KAT8: variants seen among roughly 807,000 people sequenced by gnomAD.
KAT8 encodes lysine acetyltransferase 8.
KAT8 carries 40 observed loss-of-function variants against 62.9 expected under a neutral mutation model. The ratio of observed to expected loss-of-function variants is 0.64; its 90% confidence interval spans 0.49 to 0.83. The LOEUF (loss-of-function observed/expected upper bound fraction) is 0.83, where lower values mean the gene tolerates loss of function less well. Ranked by LOEUF, KAT8 falls within the 40% of genes least tolerant of loss-of-function variation. The pLI, the probability that KAT8 is intolerant of heterozygous loss-of-function variation, is 0.00. For synonymous variants in KAT8, 278 were observed against 254.5 expected (o/e 1.09, Z -0.88); for missense variants, 387 against 614.8 (o/e 0.63, Z 3.92).
chr16:31,127,247 G>A lies in KAT8; in HGVS notation c.575G>A (p.Trp192Ter). Reference sequence around the variant, plus strand: ...ATCGGGAACTACGAAATTGATGCCTGGTATTTCTCACCATTCCCCGAAGAC... The same window carrying A: ...ATCGGGAACTACGAAATTGATGCCTAGTATTTCTCACCATTCCCCGAAGAC... ...IHIGNYEIDA[W>*]YFSPFPEDYG... The change falls in exon 5 of 11, where the codon TGG becomes TAG. Residue 192 changes from tryptophan to a stop codon, truncating the protein, a stop_gained. Transcript: ENST00000219797. LOFTEE classifies it high-confidence loss of function. 1 of 1,614,210 alleles carries A rather than the reference G, an allele frequency of 6.2e-7. No homozygotes were observed. Among genetic ancestry groups the A allele is most frequent in the East Asian group, 2.2e-5 (1 of 44,886 alleles).
At chr16:31,123,305 C>T (rs1363440066) in intron 3 of KAT8, among the ~76,000 whole-genome samples, 1 of 152,174 alleles carries the variant, frequency 6.6e-6, no homozygotes, top group African/African-American at 2.4e-5. Context: ...CAACCTCCGC[C>T]TCCCAGATTC....
At position 31,130,743 on chromosome 16, in the gene KAT8, C is replaced by T; in HGVS notation, c.1158-3C>T. 1.2e-6 allele frequency: 2 copies of T among 1,613,668 alleles called. No individual in the cohort carries two copies. The highest frequency in any genetic ancestry group is 8.5e-7 in the Non-Finnish European group (1 of 1,179,786). On this transcript the variant is annotated splice_region_variant and splice_polypyrimidine_tract_variant and intron_variant, in intron 9 of 10. Coordinates refer to ENST00000219797, the MANE Select transcript of KAT8 (RefSeq NM_032188.3). ...TGGCATTTGCTCTCATCCCTTTTTG[C>T]AGCCAGATGACCAGTATCACCCAAA...
rs1295859511 is a variant in KAT8, at chr16:31,120,303, C to T, written c.287-36C>T. Reference sequence around the variant, plus strand: ...TCTGGGCGTGGGTGCAGGGAGTTGGCTGCCCTGGCAGCACTCTTATGGCCC... The same window carrying T: ...TCTGGGCGTGGGTGCAGGGAGTTGGTTGCCCTGGCAGCACTCTTATGGCCC... On this transcript the variant is annotated intron_variant, in intron 2 of 10. Transcript: ENST00000219797. The T allele has an allele frequency of 2.5e-6, 4 of 1,614,068 alleles. No individual in the cohort carries two copies. The Admixed American group carries it at 5.0e-5, about 20-fold the overall frequency.
chr16:31,117,773 C>G lies in KAT8; in HGVS notation c.92C>G (p.Ala31Gly). 7.2e-7 allele frequency: 1 copy of G among 1,385,698 alleles called. No homozygotes were observed. The highest frequency in any genetic ancestry group is 9.4e-7 in the Non-Finnish European group (1 of 1,060,034). 85.8% of individuals were successfully genotyped at this position (1,385,698 alleles called of 1,614,324 possible). ...GEPGPGENAA[A>G]EGTAPSPGRV... ...CCCGGGCCCGGGGAGAATGCGGCCG[C>G]TGAGGGGACCGCCCCATCCCCGGGC... is the stretch of plus-strand genomic sequence containing the variant. The change falls in exon 1 of 11, where the codon GCT becomes GGT. Residue 31 changes from alanine to glycine, a missense_variant. Physicochemically the swap from Ala to Gly is moderately conservative, Grantham distance 60 (BLOSUM62 0). Around this residue, in one of 6 missense-constraint regions of KAT8, gnomAD observed 92 missense variants for 78.8 expected, o/e 1.17. Coordinates refer to ENST00000219797, the MANE Select transcript of KAT8 (RefSeq NM_032188.3).
Position 31,127,931 on chromosome 16 carries a change from G to T in KAT8, c.682-119G>T. The T allele has an allele frequency of 2.8e-6, 2 of 719,412 alleles. 1 individual carries two copies. The highest frequency in any genetic ancestry group is 3.1e-5 in the South Asian group (2 of 64,858). The allele number at this position is 719,412 out of a possible 1,614,324, so 44.6% of individuals were successfully genotyped here. On this transcript the variant is annotated intron_variant, in intron 5 of 10. Transcript: ENST00000219797. ...GCTGGGAGGATTACTCGATGTAGGTGAAGTGTTGAGGGGGGAAACAGAGAG... is the reference window on the plus strand; with the variant it reads ...GCTGGGAGGATTACTCGATGTAGGTTAAGTGTTGAGGGGGGAAACAGAGAG...
At chr16:31,117,984 T>G in intron 1 of KAT8, 92 bp downstream of exon 1, 5 of 948,886 alleles carry the variant, frequency 5.3e-6, no homozygotes, top group East Asian at 3.3e-5. Context: ...GAGGCCAAGA[T>G]CCGGGGGCTG....
chr16:31,119,839 CT>C lies in KAT8; in HGVS notation c.212-335del, dbSNP rs1342522851. Among the ~76,000 whole-genome samples the C allele has an allele frequency of 4.5e-3, 655 of 144,360 alleles. 2 individuals are homozygous for C. Among genetic ancestry groups the C allele is most frequent in the Non-Finnish European group, 6.9e-3 (449 of 65,454 alleles). 94.7% of individuals were successfully genotyped at this position (144,360 alleles called of 152,430 possible). The stretch of plus-strand genomic sequence containing the variant: ...TACAGGTGTGTGCCACCATGCCTGG[CT>C]TTTTTTTTTTTCGTCTTTTTGGTAC... On this transcript the variant is annotated intron_variant, in intron 1 of 10. Transcript: ENST00000219797.
At chr16:31,129,419 C>T (rs2057555766) in intron 6 of KAT8, among the ~76,000 whole-genome samples, 1 of 152,186 alleles carries the variant, frequency 6.6e-6, no homozygotes, top group East Asian at 1.9e-4. Context: ...CTTCAGCTTC[C>T]TCCTGAGTAA....
At chr16:31,126,989 G>A (rs1469011873) in intron 3 of KAT8, 46 bp from the exon 4 acceptor site, 1 of 1,609,286 alleles carries the variant, frequency 6.2e-7, no homozygotes, top group African/African-American at 1.3e-5. Flanking sequence ...GGACAGCCTG[G>A]TCACCACTTC....
At chr16:31,125,144 A>C (rs1385970078) in intron 3 of KAT8, among the ~76,000 whole-genome samples, 1 of 151,536 alleles carries the variant, frequency 6.6e-6, no homozygotes, top group Non-Finnish European at 1.5e-5. Context: ...GTGAGCTGAG[A>C]TCTCCCCACT....
At position 31,131,300 on chromosome 16, in the gene KAT8, C is replaced by T. The variant is rs1364570887; in HGVS notation, c.*41C>T. The T allele has an allele frequency of 1.2e-6, 2 of 1,610,282 alleles. No homozygotes were observed. Among genetic ancestry groups the T allele is most frequent in the Admixed American group, 1.7e-5 (1 of 59,904 alleles). ...CTGTCGGACCTGAGCCTCCTGGCTC[C>T]CAGCCTGTAAATATGTATAGACCTG... On this transcript the variant is annotated 3_prime_UTR_variant, in exon 11 of 11. Transcript: ENST00000219797.
At chr16:31,119,546 G>A (rs1201962165) in intron 1 of KAT8, among the ~76,000 whole-genome samples, 1 of 152,182 alleles carries the variant, frequency 6.6e-6, no homozygotes, top group African/African-American at 2.4e-5. Flanking sequence ...AATGAGCATT[G>A]AATTTAGAGT....
At chr16:31,118,848 C>G (rs2057471395) in intron 1 of KAT8, 1 of 151,428 alleles carries the variant, frequency 6.6e-6, no homozygotes, top group Non-Finnish European at 1.5e-5. Context: ...CATTAATTCA[C>G]CTTCTAAGGT....
chr16:31,130,924 CG>C (rs1567437906), intron 10 of KAT8, 24 bp downstream of exon 10: 2 of 905,356 alleles, frequency 2.2e-6, no homozygotes, highest in Non-Finnish European at 3.0e-6. Flanking sequence ...TGCTGTGTGT[CG>C]GGGGCGGTGG....
Position 31,131,273 on chromosome 16 carries a change from T to C in KAT8, c.*14T>C. The C allele has an allele frequency of 4.3e-6, 7 of 1,614,110 alleles. No homozygotes were observed. The highest frequency in any genetic ancestry group is 5.9e-6 in the Non-Finnish European group (7 of 1,179,990). ...TCCAAGAAGTGAGCAGCCTGGCCCC[T>C]GCTGTCGGACCTGAGCCTCCTGGCT... On this transcript the variant is annotated 3_prime_UTR_variant, in exon 11 of 11. Transcript: ENST00000219797.
Position 31,117,908 on chromosome 16 carries a change from A to C in KAT8, c.211+16A>C, listed in dbSNP as rs755026447. The C allele has an allele frequency of 3.7e-6, 3 of 806,448 alleles. No individual in the cohort carries two copies. The highest frequency in any genetic ancestry group is 1.0e-4 in the East Asian group (1 of 9,732). 50.0% of individuals were successfully genotyped at this position (806,448 alleles called of 1,614,324 possible). A position where few individuals can be genotyped will look rare whatever the true frequency, so the allele number is the denominator to read the frequency against. On this transcript the variant is annotated intron_variant, in intron 1 of 10. Transcript: ENST00000219797. ...AGCACCTGGCGTGAGGGCGGGGCCC[A>C]GGGCTGGGGGCGGGGCGGAGCTCAG... is the stretch of plus-strand genomic sequence containing the variant.
At chr16:31,120,148 C>T in intron 1 of KAT8, 38 bp from the exon 2 acceptor site, 1 of 1,575,222 alleles carries the variant, frequency 6.3e-7, no homozygotes, top group Non-Finnish European at 8.7e-7. Flanking sequence ...TTGTTCCAGC[C>T]TTACCTTCCT....
intron 1 of KAT8, chr16:31,118,661 C>T (rs1219547907): frequency 6.6e-6 from 1 of 152,032 alleles, no homozygotes; most frequent in Non-Finnish European, 1.5e-5. Context: ...GTAATTTTCT[C>T]TCTCTGTCTT....
At position 31,129,997 on chromosome 16, in the gene KAT8, T is replaced by TC. The variant is rs775564852; in HGVS notation, c.772-14dup. ...CCTGTGCCTGCCCCCTGAGCCTGTC[T>TC]CCCCCCTCCTCAACCCTAGATTTAC... On this transcript the variant is annotated intron_variant, in intron 6 of 10. Coordinates refer to ENST00000219797, the MANE Select transcript of KAT8 (RefSeq NM_032188.3). The TC allele has an allele frequency of 6.8e-6, 11 of 1,613,602 alleles. No homozygotes were observed. The Admixed American group carries it at 1.0e-4, about 15-fold the overall frequency.
Sources: allele counts gnomAD v4.1 joint callset (sites outside exome capture counted in the v4.1 genomes callset), GRCh38; gene constraint gnomAD v4.1.1; regional missense constraint gnomAD v4.1.1; transcripts MANE v1.5; gene names NCBI Gene and HGNC (gene_info 2026-07-23, HGNC 2026-07-21).